Variants in FLI1 observed in about 807,000 individuals in gnomAD.
The protein encoded by FLI1 is Fli-1 proto-oncogene, ETS transcription factor.
Under a neutral mutation model 53.1 loss-of-function variants are expected in FLI1, and 13 were observed. The observed-to-expected ratio is 0.24, with a 90% confidence interval of 0.16 to 0.39. The LOEUF is 0.39. FLI1 is among the 10% of genes least tolerant of loss of function. The probability of loss-of-function intolerance (pLI) is 1.00; values close to 1 mark genes in which losing one functional copy is unlikely to be tolerated. For synonymous variants in FLI1, 244 were observed against 236.7 expected (o/e 1.03, Z -0.28); for missense variants, 424 against 600.5 (o/e 0.71, Z 3.07).
intron 1 of FLI1, among the ~76,000 whole-genome samples, chr11:128,708,989 G>A (rs1264314407): frequency 1.3e-5 from 2 of 152,222 alleles, no homozygotes; most frequent in Non-Finnish European, 2.9e-5. Flanking sequence ...ACCTTAGGAA[G>A]GCTGGCAGTA....
At chr11:128,749,010 G>A (rs1365374712) in intron 1 of FLI1, among the ~76,000 whole-genome samples, 3 of 152,146 alleles carry the variant, frequency 2.0e-5, no homozygotes, top group African/African-American at 7.2e-5. Flanking sequence ...TGTTTATTTT[G>A]TTTTTGTCGT....
chr11:128,786,633 G>A (rs546547841), intron 5 of FLI1, among the ~76,000 whole-genome samples: 32 of 152,250 alleles, frequency 2.1e-4, no homozygotes, highest in Non-Finnish European at 3.1e-4. Flanking sequence ...GCAGATGTGC[G>A]TGTGTCTGCC....
In FLI1 at chr11:128,810,202, C is replaced by T. The variant is rs1942902331; in HGVS notation, c.830-257C>T. On this transcript the variant is annotated intron_variant, in intron 8 of 8. Coordinates refer to ENST00000527786, the MANE Select transcript of FLI1 (RefSeq NM_002017.5). This position sits in a 1 kb window ranked among gnomAD's most constrained non-coding sequence, Gnocchi z 6.6. ...CTAGTTCTGGGCAGAGTTTGCACCT[C>T]ACTTCCCACATTCCATTTACCAGGC... Among the ~76,000 whole-genome samples, 1 of 151,978 alleles carries T rather than the reference C, an allele frequency of 6.6e-6. No homozygotes were observed. Among genetic ancestry groups the T allele is most frequent in the Admixed American group, 6.6e-5 (1 of 15,258 alleles).
intron 1 of FLI1, among the ~76,000 whole-genome samples, chr11:128,755,360 G>A (rs1940819841): frequency 6.6e-6 from 1 of 152,226 alleles, no homozygotes; most frequent in Non-Finnish European, 1.5e-5. Flanking sequence ...CTCTACAGCA[G>A]AAGATGCTAC....
At chr11:128,732,525 G>A (rs759756277) in intron 1 of FLI1, among the ~76,000 whole-genome samples, 33 of 152,278 alleles carry the variant, frequency 2.2e-4, no homozygotes, top group East Asian at 9.6e-4. Flanking sequence ...ATGGGAGAGC[G>A]ACACAAATCA....
intron 3 of FLI1, chr11:128,768,620 C>T (rs145828664): frequency 5.2e-4 from 107 of 205,626 alleles, no homozygotes; most frequent in Middle Eastern, 2.1e-3. Flanking sequence ...ACCGGGAAGG[C>T]GGAGGTTGCA....
intron 1 of FLI1, among the ~76,000 whole-genome samples, chr11:128,722,416 A>G (rs1939291397): frequency 6.6e-6 from 1 of 152,176 alleles, no homozygotes; most frequent in East Asian, 1.9e-4. Context: ...GTGATTATGG[A>G]CACCTTGGCT....
chr11:128,708,579 G>A (rs534802138), intron 1 of FLI1, among the ~76,000 whole-genome samples: 16 of 152,118 alleles, frequency 1.1e-4, no homozygotes, highest in Admixed American at 1.3e-4. Context: ...TTCTCAGTGG[G>A]TCCATTTACC....
intron 1 of FLI1, among the ~76,000 whole-genome samples, chr11:128,709,372 CT>C (rs1938691744): frequency 6.6e-6 from 1 of 152,100 alleles, no homozygotes; most frequent in African/African-American, 2.4e-5. Context: ...TGTTGGGTTG[CT>C]TTTTTCTGGC....
rs527689514 is a variant in FLI1, at chr11:128,738,769, T to C, written c.19-19346T>C. 3.3e-5 allele frequency among the ~76,000 whole-genome samples: 5 copies of C among 152,302 alleles called. No homozygotes were observed. In the South Asian group the frequency reaches 1.0e-3, roughly 32 times the overall value. On this transcript the variant is annotated intron_variant, in intron 1 of 8. Transcript: ENST00000527786. ...GATGCAGGTGTCGTCGTTATTAGTG[T>C]CCAGCCCATCCTTTTTATGTGCAGC...
chr11:128,798,716 A>G (rs944954456), intron 5 of FLI1, among the ~76,000 whole-genome samples: 1 of 152,172 alleles, frequency 6.6e-6, no homozygotes, highest in Non-Finnish European at 1.5e-5. Context: ...GTCTCAGTGG[A>G]TGCCAAGCTC....
rs370479993 is a variant in FLI1, at chr11:128,807,209, A to G, written c.751A>G (p.Ser251Gly). The change falls in exon 7 of 9, where the codon AGT (serine) becomes GGT (glycine). Residue 251 changes from serine to glycine, a missense_variant. This residue lies in a region of FLI1 where 114 missense variants were observed against 117.9 expected (regional missense o/e 0.97). Transcript: ENST00000527786. ...TCCCCTTGGAGGGGCACAAACGATC[A>G]GTAAGAATACAGAGCAACGGCCCCA... Reference protein sequence around the residue: ...SPPLGGAQTISKNTEQRPQPD... With the variant: ...SPPLGGAQTIGKNTEQRPQPD... 27 of 1,600,360 alleles carry G rather than the reference A, an allele frequency of 1.7e-5. No homozygotes were observed. The highest frequency in any genetic ancestry group is 5.2e-5 in the Admixed American group (3 of 58,246).
intron 6 of FLI1, chr11:128,806,489 G>A (rs1942787871): frequency 6.6e-6 from 1 of 152,182 alleles, no homozygotes; most frequent in African/African-American, 2.4e-5. Flanking sequence ...GAAGAAGTCT[G>A]GAAAGGTAAG....
At chr11:128,753,178 G>C (rs1005530018) in intron 1 of FLI1, among the ~76,000 whole-genome samples, 1 of 152,180 alleles carries the variant, frequency 6.6e-6, no homozygotes, top group Admixed American at 6.5e-5. Flanking sequence ...TTCTGCAAAG[G>C]AAAGTGCTTC....
chr11:128,728,591 C>T lies in FLI1; in HGVS notation c.19-29524C>T, dbSNP rs553607515. Among the ~76,000 whole-genome samples the T allele has an allele frequency of 3.3e-5, 5 of 152,382 alleles. No individual in the cohort carries two copies. The East Asian group carries it at 7.7e-4, about 23-fold the overall frequency. ...CCTTCTCTTGTCCATTCCCCTTGGGCACCCAGTATGCCCTGAGTGTCCTTG... is the reference window on the plus strand; with the variant it reads ...CCTTCTCTTGTCCATTCCCCTTGGGTACCCAGTATGCCCTGAGTGTCCTTG... On this transcript the variant is annotated intron_variant, in intron 1 of 8. Coordinates refer to ENST00000527786, the MANE Select transcript of FLI1 (RefSeq NM_002017.5).
intron 1 of FLI1, among the ~76,000 whole-genome samples, chr11:128,752,177 T>C (rs1940675814): frequency 6.6e-6 from 1 of 152,174 alleles, no homozygotes; most frequent in South Asian, 2.1e-4. Context: ...GGTTTCATTA[T>C]GTTGGCCAGG....
Position 128,727,220 on chromosome 11 carries a change from C to T in FLI1, c.19-30895C>T, listed in dbSNP as rs1300281082. ...TGGGTAACCTCCCAAGCCTCACCTT[C>T]CTGAACTATAAAATGAGGAAATTAT... On this transcript the variant is annotated intron_variant, in intron 1 of 8. Transcript: ENST00000527786. 3.3e-5 allele frequency among the ~76,000 whole-genome samples: 5 copies of T among 152,298 alleles called. No homozygotes were observed. The East Asian group carries it at 7.7e-4, about 23-fold the overall frequency.
Position 128,717,353 on chromosome 11 carries a change from G to A in FLI1, c.18+23077G>A, listed in dbSNP as rs528148113. Among the ~76,000 whole-genome samples, 91 of 152,298 alleles carry A rather than the reference G, an allele frequency of 6.0e-4. 3 individuals are homozygous for A. The South Asian group carries it at 0.015, about 25-fold the overall frequency. On this transcript the variant is annotated intron_variant, in intron 1 of 8. Coordinates refer to ENST00000527786, the MANE Select transcript of FLI1 (RefSeq NM_002017.5). ...GCACACGCATGATGGTTTTGCTATC[G>A]TGTGACATTTATTTCATACTTGCTA...
intron 2 of FLI1, among the ~76,000 whole-genome samples, chr11:128,765,854 T>C (rs934054586): frequency 6.6e-6 from 1 of 152,092 alleles, no homozygotes; most frequent in African/African-American, 2.4e-5. Flanking sequence ...TGAATGTGTG[T>C]GCAGATGAAG....
Sources: gnomAD v4.1 joint callset for allele counts (sites outside exome capture counted in the v4.1 genomes callset) on GRCh38, gnomAD v4.1.1 for gene constraint, gnomAD v4.1.1 regional missense constraint, Gnocchi (gnomAD v3.1) non-coding constraint, MANE v1.5 for transcripts, NCBI Gene and HGNC (gene_info 2026-07-23, HGNC 2026-07-21) for gene names.